The following GSE1 variants were observed in gnomAD, a reference collection of about 807,000 sequenced individuals.
GSE1 encodes Gse1 coiled-coil protein.
In GSE1, 32 loss-of-function variants were observed where a neutral mutation model predicts 112.6. The ratio of observed to expected loss-of-function variants is 0.28; its 90% CI spans 0.21 to 0.38. The LOEUF (loss-of-function observed/expected upper bound fraction) is 0.38, where lower values mean the gene tolerates loss of function less well. Among genes scored for constraint, GSE1 ranks in the 10% least tolerant of loss-of-function variants. The pLI is 1.00. For synonymous variants in GSE1, 1,115 were observed against 735.6 expected, an observed-to-expected ratio of 1.52 and a Z score of -8.35; for missense variants, 2,348 against 1,699.2, an observed-to-expected ratio of 1.38 and a Z score of -6.71.
intron 1 of GSE1, among the ~76,000 whole-genome samples, chr16:85,184,696 T>C (rs2074664059): frequency 6.6e-6 from 1 of 152,254 alleles, no homozygotes; most frequent in South Asian, 2.1e-4. Context: ...ATTTCCCTTG[T>C]GTTTTTTTTC....
Position 85,263,019 on chromosome 16 carries a change from A to G in GSE1, c.2283+91212A>G, listed in dbSNP as rs536551960. On this transcript the variant is annotated intron_variant, in intron 1 of 2. Transcript: ENST00000637419. Reference sequence around the variant, plus strand: ...AAGGAGACAGTACAGGAATAGATAAATAACACACGGATCCCACAGATCGCG... The same window carrying G: ...AAGGAGACAGTACAGGAATAGATAAGTAACACACGGATCCCACAGATCGCG... Among the ~76,000 whole-genome samples, 6 of 152,324 alleles carry G rather than the reference A, an allele frequency of 3.9e-5. No individual in the cohort carries two copies. In the South Asian group the frequency reaches 8.3e-4, roughly 21 times the overall value.
At chr16:85,263,545 C>G (rs1907926119) in intron 1 of GSE1, among the ~76,000 whole-genome samples, 1 of 151,886 alleles carries the variant, frequency 6.6e-6, no homozygotes, top group South Asian at 2.1e-4. Flanking sequence ...CTAGGGTCAG[C>G]TCACACCAGA....
chr16:85,638,964 C>T (rs16975767), intron 2 of GSE1, among the ~76,000 whole-genome samples: 11 of 152,192 alleles, frequency 7.2e-5, no homozygotes, highest in African/African-American at 2.4e-4. Context: ...TTGGTCTTGA[C>T]TTTCTGGGAG....
chr16:85,613,095 T>G, upstream of GSE1: 31 of 765,696 alleles, frequency 4.0e-5, no homozygotes, highest in Middle Eastern at 4.6e-4. Flanking sequence ...CGGGCGCCCG[T>G]CGGTGCGCGC....
intron 1 of GSE1, among the ~76,000 whole-genome samples, chr16:85,591,393 G>C (rs1376635742): frequency 6.6e-6 from 1 of 152,258 alleles, no homozygotes; most frequent in Non-Finnish European, 1.5e-5. Context: ...TGGTTAGTTT[G>C]GGCCAAGAGA....
chr16:85,480,193 G>A lies in GSE1; in HGVS notation c.2464+122550G>A, dbSNP rs189082189. On this transcript the variant is annotated intron_variant, in intron 2 of 2. Transcript: ENST00000637419. ...CATCGGCCTCAAGGGCCCCAGCCAG[G>A]AGTAAGACTCAGGCAGTTTGGCTCC... Among the ~76,000 whole-genome samples the A allele has an allele frequency of 5.5e-4, 84 of 152,376 alleles. No individual in the cohort carries two copies. In the Middle Eastern group the frequency reaches 0.017, roughly 31 times the overall value.
chr16:85,397,929 A>G (rs1310177643), intron 2 of GSE1, among the ~76,000 whole-genome samples: 2 of 151,978 alleles, frequency 1.3e-5, no homozygotes, highest in African/African-American at 4.8e-5. Context: ...TAGAGTCACA[A>G]AATCCTGGGG....
In GSE1 at chr16:85,302,356, A is replaced by G. The variant is rs1056158579; in HGVS notation, c.2284-55107A>G. On this transcript the variant is annotated intron_variant, in intron 1 of 2. Coordinates refer to the GSE1 transcript ENST00000637419. ...GGGCGACCTTAGCAGAATTCAATGA[A>G]TTCGTCATTGTGTTAAGCAAGGACC... is the stretch of plus-strand genomic sequence containing the variant. Among the ~76,000 whole-genome samples, 8 of 152,096 alleles carry G rather than the reference A, an allele frequency of 5.3e-5. No homozygotes were observed. In the East Asian group the frequency reaches 1.5e-3, roughly 29 times the overall value.
At chr16:85,435,964 T>C (rs533560349) in intron 2 of GSE1, among the ~76,000 whole-genome samples, 252 of 152,178 alleles carry the variant, frequency 1.7e-3, no homozygotes, top group African/African-American at 5.9e-3. Context: ...AGAAGGCAGG[T>C]GGGGTCTGGG....
At chr16:85,509,627 T>C (rs923056266) in intron 2 of GSE1, among the ~76,000 whole-genome samples, 3 of 152,234 alleles carry the variant, frequency 2.0e-5, no homozygotes, top group Non-Finnish European at 2.9e-5. Flanking sequence ...GCCAGGAGGC[T>C]CCATCTGAGG....
intron 2 of GSE1, among the ~76,000 whole-genome samples, chr16:85,425,397 G>C (rs1219543740): frequency 2.0e-5 from 3 of 152,074 alleles, no homozygotes; most frequent in African/African-American, 7.2e-5. Flanking sequence ...GTGGAGGATG[G>C]ATCTGGGACT....
intron 2 of GSE1, among the ~76,000 whole-genome samples, chr16:85,477,521 G>A (rs1011846119): frequency 2.6e-5 from 4 of 151,388 alleles, no homozygotes; most frequent in African/African-American, 9.7e-5. Flanking sequence ...TGGGCTCTCG[G>A]TGGTCACTTT....
chr16:85,570,936 G>A (rs1403640372), intron 1 of GSE1, among the ~76,000 whole-genome samples: 2 of 152,206 alleles, frequency 1.3e-5, no homozygotes, highest in Non-Finnish European at 2.9e-5. Flanking sequence ...TTTCCTTTTG[G>A]CTGGAGTGAT....
At chr16:85,544,879 C>T (rs4843449) in intron 2 of GSE1, among the ~76,000 whole-genome samples, 37,851 of 152,120 alleles carry the variant, frequency 0.25, 5,196 homozygotes, top group South Asian at 0.36. Flanking sequence ...AGAACAGGAC[C>T]GCGGCCGGAG....
intron 1 of GSE1, among the ~76,000 whole-genome samples, chr16:85,596,455 G>C (rs2047231074): frequency 1.3e-5 from 2 of 152,174 alleles, no homozygotes; most frequent in African/African-American, 4.8e-5. Context: ...AATCCTCCCA[G>C]GAAGATTCCG....
At chr16:85,273,003 C>T (rs113354819) in intron 1 of GSE1, among the ~76,000 whole-genome samples, 13 of 152,168 alleles carry the variant, frequency 8.5e-5, no homozygotes, top group African/African-American at 2.7e-4. Context: ...CTCAAACTCC[C>T]GACCTCAGGT....
intron 1 of GSE1, among the ~76,000 whole-genome samples, chr16:85,558,691 C>A (rs1292276345): frequency 6.6e-6 from 1 of 152,132 alleles, no homozygotes; most frequent in African/African-American, 2.4e-5. Context: ...GCTTTCCCCG[C>A]ATTATAGTTT....
intron 1 of GSE1, among the ~76,000 whole-genome samples, chr16:85,305,188 A>G (rs2045643553): frequency 6.6e-6 from 1 of 152,206 alleles, no homozygotes; most frequent in Admixed American, 6.5e-5. Flanking sequence ...ACACGTGAGA[A>G]TCACCTGGAG....
intron 1 of GSE1, among the ~76,000 whole-genome samples, chr16:85,217,631 A>T (rs8046486): frequency 1.3e-5 from 2 of 152,138 alleles, no homozygotes; most frequent in Non-Finnish European, 2.9e-5. Context: ...GCGTGAATAC[A>T]TGGAGAGCGT....
Sources: gnomAD v4.1 joint callset for allele counts (sites outside exome capture counted in the v4.1 genomes callset) on GRCh38, gnomAD v4.1.1 for gene constraint, MANE v1.5 for transcripts, NCBI Gene and HGNC (gene_info 2026-07-23, HGNC 2026-07-21) for gene names.